THRB: variants seen among roughly 807,000 people sequenced by gnomAD.
The protein encoded by THRB is thyroid hormone receptor beta.
In THRB, 12 loss-of-function variants were observed where a neutral mutation model predicts 47.8. The ratio of observed to expected loss-of-function variants is 0.25; its 90% CI spans 0.16 to 0.41. THRB has a LOEUF of 0.41. Ranked by LOEUF, THRB falls within the 10% of genes least tolerant of loss-of-function variation. The pLI is 1.00. For synonymous variants in THRB, 218 were observed against 212.2 expected (o/e 1.03, Z -0.24); for missense variants, 348 against 589.2 (o/e 0.59, Z 4.24).
In THRB at chr3:24,278,126, A is replaced by G. The variant is rs568715519; in HGVS notation, c.-43+19100T>C. On this transcript the variant is annotated intron_variant, in intron 3 of 10. Transcript: ENST00000646209. ...AAGATATGCAGAAAAATTAAAGGGA[A>G]CTGAATTACAGATTACACAACAGAA... Among the ~76,000 whole-genome samples, 32 of 152,306 alleles carry G rather than the reference A, an allele frequency of 2.1e-4. No homozygotes were observed. In the East Asian group the frequency reaches 5.4e-3, roughly 26 times the overall value.
intron 4 of THRB, among the ~76,000 whole-genome samples, chr3:24,210,558 CA>C (rs1317026806): frequency 6.6e-6 from 1 of 152,088 alleles, no homozygotes; most frequent in Non-Finnish European, 1.5e-5. Flanking sequence ...CGACAGCCCC[CA>C]CAACAAAGAA....
intron 4 of THRB, among the ~76,000 whole-genome samples, chr3:24,228,490 C>T (rs1031312117): frequency 5.9e-5 from 9 of 151,584 alleles, no homozygotes; most frequent in African/African-American, 2.2e-4. Flanking sequence ...AAACATACAC[C>T]GGGTGCAGTG....
chr3:24,312,116 G>T (rs1360891403), intron 2 of THRB, among the ~76,000 whole-genome samples: 1 of 152,168 alleles, frequency 6.6e-6, no homozygotes, highest in East Asian at 1.9e-4. Context: ...CTTGCCTTCT[G>T]CCCTACTTCC....
chr3:24,159,003 C>T (rs2038347542), intron 5 of THRB, among the ~76,000 whole-genome samples: 1 of 152,120 alleles, frequency 6.6e-6, no homozygotes. Context: ...CAGAAACAGT[C>T]ACTAGAGAAG....
chr3:24,442,765 G>C (rs1023475339), intron 1 of THRB, among the ~76,000 whole-genome samples: 2 of 147,350 alleles, frequency 1.4e-5, no homozygotes, highest in African/African-American at 2.5e-5. Flanking sequence ...CAGAGGTTGC[G>C]GTGAGCCGAG....
intron 1 of THRB, among the ~76,000 whole-genome samples, chr3:24,487,714 G>A (rs1347922770): frequency 6.6e-6 from 1 of 152,124 alleles, no homozygotes; most frequent in Non-Finnish European, 1.5e-5. Flanking sequence ...GACAAGCAGT[G>A]CCTTTTCCAC....
chr3:24,468,489 G>A lies in THRB; in HGVS notation c.-261+26163C>T, dbSNP rs544645136. On this transcript the variant is annotated intron_variant, in intron 1 of 10. Coordinates refer to ENST00000646209, the MANE Select transcript of THRB (RefSeq NM_001354712.2). ...GCTTTTGATTTAAAGCTTAAAAAAC[G>A]GGTAACTCTTCTTTTCACTTGAACA... Among the ~76,000 whole-genome samples, 108 of 152,210 alleles carry A rather than the reference G, an allele frequency of 7.1e-4. 1 individual carries two copies. Among genetic ancestry groups the A allele is most frequent in the Non-Finnish European group, 1.3e-3 (87 of 68,008 alleles).
intron 1 of THRB, among the ~76,000 whole-genome samples, chr3:24,355,585 G>T (rs971575884): frequency 6.6e-6 from 1 of 152,150 alleles, no homozygotes; most frequent in Admixed American, 6.5e-5. Context: ...ACTTAGGAAT[G>T]AGGGCATAAA....
intron 1 of THRB, among the ~76,000 whole-genome samples, chr3:24,400,177 T>C (rs1037627864): frequency 2.6e-5 from 4 of 152,086 alleles, no homozygotes; most frequent in African/African-American, 7.2e-5. Flanking sequence ...AGTGTTCCTG[T>C]ACAAATATTT....
chr3:24,170,701 C>T (rs1004101231), intron 5 of THRB, among the ~76,000 whole-genome samples: 9 of 152,094 alleles, frequency 5.9e-5, no homozygotes, highest in Admixed American at 3.3e-4. Flanking sequence ...CAGAGCCCTT[C>T]TCATTTGTTT....
intron 1 of THRB, among the ~76,000 whole-genome samples, chr3:24,460,240 C>T (rs1196449831): frequency 6.6e-6 from 1 of 152,138 alleles, no homozygotes; most frequent in Non-Finnish European, 1.5e-5. Flanking sequence ...TCTAAAAATA[C>T]GAGAAGGTTA....
At chr3:24,423,654 G>T (rs1487208816) in intron 1 of THRB, among the ~76,000 whole-genome samples, 2 of 151,822 alleles carry the variant, frequency 1.3e-5, no homozygotes, top group Non-Finnish European at 2.9e-5. Context: ...TATCAGGTTA[G>T]TCCTGAGCAA....
chr3:24,445,985 T>C (rs1461289716), intron 1 of THRB, among the ~76,000 whole-genome samples: 2 of 152,190 alleles, frequency 1.3e-5, no homozygotes, highest in Non-Finnish European at 2.9e-5. Context: ...CAGACCATAA[T>C]TGTGATTCTG....
intron 1 of THRB, among the ~76,000 whole-genome samples, chr3:24,418,821 T>C (rs1261832374): frequency 2.0e-5 from 3 of 151,996 alleles, no homozygotes; most frequent in African/African-American, 7.2e-5. Context: ...GGAAACTTCT[T>C]AGCTAACTTT....
At position 24,174,181 on chromosome 3, in the gene THRB, C is replaced by T. The variant is rs143509745; in HGVS notation, c.283+15893G>A. ...TTAGGTATTTGTCCTAATGTAGCCA[C>T]ATTTTTTTAATAGATGAAAAAAAAT... is the stretch of plus-strand genomic sequence containing the variant. On this transcript the variant is annotated intron_variant, in intron 5 of 10. Transcript: ENST00000646209. Among the ~76,000 whole-genome samples, 468 of 152,112 alleles carry T rather than the reference C, an allele frequency of 3.1e-3. 1 individual carries two copies. The highest frequency in any genetic ancestry group is 4.7e-3 in the Non-Finnish European group (323 of 68,004).
intron 2 of THRB, among the ~76,000 whole-genome samples, chr3:24,334,008 C>T (rs1035673124): frequency 9.2e-5 from 14 of 152,184 alleles, no homozygotes; most frequent in African/African-American, 3.1e-4. Context: ...GCAGAATTGG[C>T]CCCTGGGTCC....
chr3:24,227,740 A>G (rs1047243022), intron 4 of THRB, among the ~76,000 whole-genome samples: 1 of 152,132 alleles, frequency 6.6e-6, no homozygotes, highest in East Asian at 1.9e-4. Context: ...TTTGTCCTAC[A>G]TGTTTAGCTT....
chr3:24,492,601 C>G (rs939569543), intron 1 of THRB, among the ~76,000 whole-genome samples: 2 of 152,172 alleles, frequency 1.3e-5, no homozygotes, highest in Non-Finnish European at 2.9e-5. Context: ...ATGCTTTAAA[C>G]AACTGCAAAA....
intron 4 of THRB, among the ~76,000 whole-genome samples, chr3:24,227,785 CA>C (rs1383849229): frequency 6.6e-6 from 1 of 152,064 alleles, no homozygotes; most frequent in Non-Finnish European, 1.5e-5. Flanking sequence ...AATAGATAAT[CA>C]AAGGTCAGGC....
Sources: allele counts gnomAD v4.1 joint callset (sites outside exome capture counted in the v4.1 genomes callset), GRCh38; gene constraint gnomAD v4.1.1; transcripts MANE v1.5; gene names NCBI Gene and HGNC (gene_info 2026-07-23, HGNC 2026-07-21).